Variants in CDH18 observed in about 807,000 individuals in gnomAD.
CDH18 encodes the protein cadherin-18.
Under a neutral mutation model 67.9 loss-of-function variants are expected in CDH18, and 31 were observed. The observed-to-expected ratio is 0.46, with a 90% confidence interval of 0.34 to 0.62. The LOEUF is 0.62. Among genes scored for constraint, CDH18 ranks in the 20% least tolerant of loss-of-function variants. CDH18 has a pLI of 0.01. For missense variants in CDH18, 890 were observed against 975.5 expected (o/e 0.91, Z 1.17); for synonymous variants, 362 against 347.2 (o/e 1.04, Z -0.48).
At chr5:19,903,549 A>G (rs1368274389) in intron 2 of CDH18, among the ~76,000 whole-genome samples, 94 of 135,604 alleles carry the variant, frequency 6.9e-4, no homozygotes, top group African/African-American at 1.8e-3. Context: ...GTGTATATAT[A>G]TATATATATA....
intron 1 of CDH18, among the ~76,000 whole-genome samples, chr5:20,541,158 T>C (rs749890181): frequency 2.0e-5 from 3 of 152,180 alleles, no homozygotes; most frequent in African/African-American, 4.8e-5. Context: ...ATAAAATTTA[T>C]GGGGAAGATT....
At chr5:20,205,840 T>A (rs1292148030) in intron 2 of CDH18, among the ~76,000 whole-genome samples, 2 of 151,758 alleles carry the variant, frequency 1.3e-5, no homozygotes, top group African/African-American at 4.8e-5. Context: ...ATCCATGGGA[T>A]ATGGCAAAAG....
At chr5:20,527,697 C>T (rs1226171879) in intron 1 of CDH18, among the ~76,000 whole-genome samples, 1 of 152,016 alleles carries the variant, frequency 6.6e-6, no homozygotes, top group Non-Finnish European at 1.5e-5. Flanking sequence ...ATCCTTTTCA[C>T]ACAAGCAAAA....
At chr5:20,499,007 C>T (rs570639424) in intron 1 of CDH18, among the ~76,000 whole-genome samples, 42 of 151,954 alleles carry the variant, frequency 2.8e-4, no homozygotes, top group Non-Finnish European at 5.0e-4. Context: ...GGTTTAGAAA[C>T]GCAGCTCACA....
At chr5:20,525,140 C>T (rs2457039) in intron 1 of CDH18, among the ~76,000 whole-genome samples, 60,131 of 151,696 alleles carry the variant, frequency 0.4, 13,327 homozygotes, top group East Asian at 0.56. Context: ...TTTAACTCTG[C>T]AGTTTAACTT....
intron 5 of CDH18, among the ~76,000 whole-genome samples, chr5:19,637,628 T>C (rs1255192204): frequency 1.3e-5 from 2 of 152,168 alleles, no homozygotes; most frequent in African/African-American, 4.8e-5. Context: ...CTGTCGTCAA[T>C]ACCTAATCAC....
intron 2 of CDH18, among the ~76,000 whole-genome samples, chr5:19,938,274 T>G (rs1332555778): frequency 1.3e-5 from 2 of 151,168 alleles, no homozygotes; most frequent in African/African-American, 4.8e-5. Flanking sequence ...TATGGAAAAC[T>G]TACTCTATTG....
At chr5:20,503,130 T>C (rs754719387) in intron 1 of CDH18, among the ~76,000 whole-genome samples, 46 of 152,026 alleles carry the variant, frequency 3.0e-4, no homozygotes, top group Non-Finnish European at 5.9e-4. Flanking sequence ...TAATTCAAAT[T>C]TGAGTGATGG....
At chr5:19,547,055 A>T (rs1736454976) in intron 8 of CDH18, among the ~76,000 whole-genome samples, 1 of 152,182 alleles carries the variant, frequency 6.6e-6, no homozygotes, top group African/African-American at 2.4e-5. Flanking sequence ...GGGGTTCCCA[A>T]AGCATAAAGC....
At chr5:19,651,198 T>A (rs1299816809) in intron 5 of CDH18, among the ~76,000 whole-genome samples, 1 of 152,084 alleles carries the variant, frequency 6.6e-6, no homozygotes, top group Admixed American at 6.6e-5. Context: ...AATCACTCTT[T>A]ATGTAACCAC....
chr5:20,373,355 C>G lies in CDH18; in HGVS notation c.-579-117850G>C, dbSNP rs146752441. On this transcript the variant is annotated intron_variant, in intron 1 of 14. Coordinates refer to the CDH18 transcript ENST00000507958. ...TTCTACCCCAGGGCCTTTGCACATTCTGTTCCCTCAGTTTGGAATGTTTTA... is the reference window on the plus strand; with the variant it reads ...TTCTACCCCAGGGCCTTTGCACATTGTGTTCCCTCAGTTTGGAATGTTTTA... Among the ~76,000 whole-genome samples, 447 of 152,228 alleles carry G rather than the reference C, an allele frequency of 2.9e-3. 2 individuals carry two copies. The highest frequency in any genetic ancestry group is 0.01 in the African/African-American group (431 of 41,550).
intron 2 of CDH18, among the ~76,000 whole-genome samples, chr5:19,996,686 A>G (rs928500042): frequency 2.0e-5 from 3 of 151,912 alleles, no homozygotes; most frequent in Admixed American, 2.0e-4. Flanking sequence ...ATGTTTATTG[A>G]TCATTTTCTT....
intron 7 of CDH18, among the ~76,000 whole-genome samples, chr5:19,578,504 C>G (rs1177358696): frequency 6.6e-6 from 1 of 151,248 alleles, no homozygotes; most frequent in Non-Finnish European, 1.5e-5. Flanking sequence ...TGCTTATTTT[C>G]TATGTCTTTC....
At chr5:20,055,480 T>A (rs529828193) in intron 2 of CDH18, among the ~76,000 whole-genome samples, 3 of 152,332 alleles carry the variant, frequency 2.0e-5, no homozygotes, top group African/African-American at 7.2e-5. Context: ...TGAGATGAGT[T>A]CTGCAAAGAT....
chr5:20,296,314 C>T (rs1353745755), intron 1 of CDH18, among the ~76,000 whole-genome samples: 9 of 150,996 alleles, frequency 6.0e-5, no homozygotes, highest in African/African-American at 1.7e-4. Flanking sequence ...AGTGCAGTGG[C>T]GCCATCTCGA....
At chr5:20,047,704 A>G (rs1455050362) in intron 2 of CDH18, among the ~76,000 whole-genome samples, 1 of 151,822 alleles carries the variant, frequency 6.6e-6, no homozygotes, top group African/African-American at 2.4e-5. Flanking sequence ...CAGAGTATTA[A>G]CAAGTATCAC....
intron 2 of CDH18, among the ~76,000 whole-genome samples, chr5:20,227,462 C>A (rs1179811256): frequency 6.6e-6 from 1 of 152,042 alleles, no homozygotes; most frequent in Admixed American, 6.6e-5. Flanking sequence ...CAATCATCAC[C>A]CAACTCATAC....
intron 3 of CDH18, among the ~76,000 whole-genome samples, chr5:19,820,914 C>T (rs1252773218): frequency 6.6e-6 from 1 of 151,948 alleles, no homozygotes; most frequent in Non-Finnish European, 1.5e-5. Context: ...CAATCAAACA[C>T]ACAACAGGAA....
rs567381533 is a variant in CDH18, at chr5:20,391,750, G to A, written c.-579-136245C>T. Among the ~76,000 whole-genome samples the A allele has an allele frequency of 1.4e-3, 219 of 151,928 alleles. 1 individual carries two copies. The highest frequency in any genetic ancestry group is 5.1e-3 in the African/African-American group (211 of 41,488). On this transcript the variant is annotated intron_variant, in intron 1 of 14. Transcript: ENST00000507958. Reference sequence around the variant, plus strand: ...GATGTGTAAAACCCAGAAATGCCCCGTTAGCTTTACTCTCCTTGTTCACAA... The same window carrying A: ...GATGTGTAAAACCCAGAAATGCCCCATTAGCTTTACTCTCCTTGTTCACAA...
Sources: allele counts gnomAD v4.1 joint callset (sites outside exome capture counted in the v4.1 genomes callset), GRCh38; gene constraint gnomAD v4.1.1; transcripts MANE v1.5; gene names NCBI Gene and HGNC (gene_info 2026-07-23, HGNC 2026-07-21).